Variants in BABAM2 observed in about 807,000 individuals in gnomAD.
BABAM2 encodes the protein BRISC and BRCA1-A complex member 2.
A neutral mutation model predicts 54.7 loss-of-function variants in BABAM2; 31 were observed. That is an observed-to-expected ratio of 0.57 (90% CI 0.43 to 0.77). The LOEUF is 0.77. Ranked by LOEUF, BABAM2 falls within the 30% of genes least tolerant of loss-of-function variation. The pLI is 0.00. For synonymous variants in BABAM2, 167 were observed against 162.9 expected, an observed-to-expected ratio of 1.03 and a Z score of -0.19; for missense variants, 364 against 455.8, an observed-to-expected ratio of 0.80 and a Z score of 1.83.
intron 10 of BABAM2, among the ~76,000 whole-genome samples, chr2:28,278,298 C>A (rs569082947): frequency 6.6e-6 from 1 of 152,050 alleles, no homozygotes; most frequent in East Asian, 1.9e-4. Flanking sequence ...GTGGAAGAAG[C>A]TGGGGTTTGA....
At chr2:28,277,436 G>T (rs1428122471) in intron 10 of BABAM2, among the ~76,000 whole-genome samples, 1 of 152,096 alleles carries the variant, frequency 6.6e-6, no homozygotes, top group Non-Finnish European at 1.5e-5. Context: ...TATGGAAAGT[G>T]GTCCCTTGTA....
chr2:28,327,510 T>C, intron 11 of BABAM2: 1 of 1,470,754 alleles, frequency 6.8e-7, no homozygotes, highest in Non-Finnish European at 9.1e-7. Flanking sequence ...TACTTTGATG[T>C]CTAGAAATGG....
chr2:28,056,283 C>T (rs1435317764), intron 6 of BABAM2, among the ~76,000 whole-genome samples: 2 of 152,046 alleles, frequency 1.3e-5, no homozygotes, highest in Non-Finnish European at 2.9e-5. Flanking sequence ...AAAACAACCA[C>T]CAAAAAATGG....
At chr2:28,233,705 T>G (rs1558458598) in intron 7 of BABAM2, among the ~76,000 whole-genome samples, 1 of 152,156 alleles carries the variant, frequency 6.6e-6, no homozygotes, top group Non-Finnish European at 1.5e-5. Context: ...AAAACTATCT[T>G]TCGTAGTGCC....
intron 6 of BABAM2, 135 bp from the exon 7 acceptor site, chr2:28,129,136 G>A: frequency 2.6e-6 from 2 of 781,064 alleles, no homozygotes; most frequent in Admixed American, 4.3e-5. Context: ...TGGAAAGGAT[G>A]TGCAAAGCAG....
intron 11 of BABAM2, among the ~76,000 whole-genome samples, chr2:28,318,004 G>A (rs1689709662): frequency 6.6e-6 from 1 of 152,244 alleles, no homozygotes; most frequent in Admixed American, 6.5e-5. Context: ...ACTGTGGATA[G>A]ATTTTAACTC....
intron 6 of BABAM2, among the ~76,000 whole-genome samples, chr2:28,092,252 T>C (rs530364980): frequency 2.3e-3 from 343 of 152,182 alleles, no homozygotes; most frequent in African/African-American, 7.8e-3. Context: ...AAAGACATAA[T>C]GATTGGAAAG....
At chr2:28,323,317 G>T (rs540182958) in intron 11 of BABAM2, among the ~76,000 whole-genome samples, 5 of 152,302 alleles carry the variant, frequency 3.3e-5, no homozygotes, top group Admixed American at 3.3e-4. Flanking sequence ...AGACAAAGGG[G>T]AGATAGACGG....
At chr2:28,253,479 A>G (rs1683686515) in intron 10 of BABAM2, among the ~76,000 whole-genome samples, 1 of 152,046 alleles carries the variant, frequency 6.6e-6, no homozygotes, top group African/African-American at 2.4e-5. Flanking sequence ...TATGTTATTT[A>G]ATCTGCAGAA....
intron 10 of BABAM2, among the ~76,000 whole-genome samples, chr2:28,283,189 C>T (rs983466487): frequency 3.3e-5 from 5 of 152,078 alleles, no homozygotes; most frequent in Admixed American, 1.3e-4. Flanking sequence ...TGTGTATGTA[C>T]CTCACTGGGC....
chr2:27,966,174 G>A (rs762290400), intron 3 of BABAM2, among the ~76,000 whole-genome samples: 2 of 151,686 alleles, frequency 1.3e-5, no homozygotes, highest in African/African-American at 2.4e-5. Flanking sequence ...GCTTAGATCC[G>A]TTAATTTGTT....
At position 28,317,165 on chromosome 2, in the gene BABAM2, C is replaced by T. The variant is rs1348853096; in HGVS notation, c.1088+18674C>T. Among the ~76,000 whole-genome samples the T allele has an allele frequency of 1.4e-4, 22 of 152,288 alleles. No individual in the cohort carries two copies. The South Asian group carries it at 3.7e-3, about 26-fold the overall frequency. On this transcript the variant is annotated intron_variant, in intron 11 of 11. Transcript: ENST00000379624. Reference sequence around the variant, plus strand: ...AGCTAATGGCACTTTCTCTACCAGCCGGCTCATGGCCGTCCCCATTAGTGC... The same window carrying T: ...AGCTAATGGCACTTTCTCTACCAGCTGGCTCATGGCCGTCCCCATTAGTGC...
chr2:27,967,409 A>T (rs752802923), intron 3 of BABAM2, among the ~76,000 whole-genome samples: 1 of 152,178 alleles, frequency 6.6e-6, no homozygotes, highest in Non-Finnish European at 1.5e-5. Context: ...GCCTTCTGCC[A>T]CGATTGTGTG....
intron 6 of BABAM2, among the ~76,000 whole-genome samples, chr2:28,063,246 C>A (rs1314306137): frequency 6.6e-6 from 1 of 152,188 alleles, no homozygotes; most frequent in Middle Eastern, 3.2e-3. Flanking sequence ...TGTTTCTCAT[C>A]ACGTGGGAAA....
intron 4 of BABAM2, among the ~76,000 whole-genome samples, chr2:28,013,724 CACACACGT>C (rs1674582349): frequency 7.1e-6 from 1 of 141,800 alleles, no homozygotes; most frequent in African/African-American, 2.6e-5. Flanking sequence ...CACACACACA[CACACACGT>C]GTGTGTGTGT....
intron 7 of BABAM2, among the ~76,000 whole-genome samples, chr2:28,229,386 A>G (rs1681169731): frequency 6.6e-6 from 1 of 152,194 alleles, no homozygotes. Context: ...AATAGATGAT[A>G]TCATAGAGGA....
Position 27,901,986 on chromosome 2 carries a change from T to C in BABAM2, c.128+7302T>C, listed in dbSNP as rs940023595. ...GTATAAAGTTAATGAGATTTATCTG[T>C]GTTGATATTTACAGGTTTGGTTCTT... On this transcript the variant is annotated intron_variant, in intron 2 of 11. Coordinates refer to ENST00000379624, the MANE Select transcript of BABAM2 (RefSeq NM_199191.3). Among the ~76,000 whole-genome samples, 38 of 152,228 alleles carry C rather than the reference T, an allele frequency of 2.5e-4. 1 individual carries two copies. Among genetic ancestry groups the C allele is most frequent in the African/African-American group, 8.4e-4 (35 of 41,466 alleles).
intron 2 of BABAM2, among the ~76,000 whole-genome samples, chr2:27,925,373 A>G (rs545751241): frequency 9.2e-5 from 14 of 152,036 alleles, no homozygotes; most frequent in Non-Finnish European, 2.1e-4. Flanking sequence ...CAATAAATCC[A>G]TTTGTCTCAT....
chr2:27,985,892 A>G (rs1286466577), intron 3 of BABAM2, among the ~76,000 whole-genome samples: 1 of 152,210 alleles, frequency 6.6e-6, no homozygotes. Context: ...AAGACTACTT[A>G]CAACTAAATA....
Sources: allele counts gnomAD v4.1 joint callset (sites outside exome capture counted in the v4.1 genomes callset), GRCh38; gene constraint gnomAD v4.1.1; transcripts MANE v1.5; gene names NCBI Gene and HGNC (gene_info 2026-07-23, HGNC 2026-07-21).